CELF2: variants seen among roughly 807,000 people sequenced by gnomAD.
CELF2 encodes the protein CUGBP Elav-like family member 2.
In CELF2, 8 loss-of-function variants were observed where a neutral mutation model predicts 62.6. That is an observed-to-expected ratio of 0.13 (90% CI 0.07 to 0.23). The LOEUF (loss-of-function observed/expected upper bound fraction) is 0.23. CELF2 is among the 10% of genes least tolerant of loss of function. The probability of loss-of-function intolerance (pLI) is 1.00; values close to 1 mark genes in which losing one functional copy is unlikely to be tolerated. For synonymous variants in CELF2, 258 were observed against 250.0 expected (o/e 1.03, Z -0.30); for missense variants, 333 against 671.0 (o/e 0.50, Z 5.56).
chr10:10,660,026 G>T, the CELF2 span, among the ~76,000 whole-genome samples: 2 of 152,198 alleles, frequency 1.3e-5, no homozygotes, highest in African/African-American at 4.8e-5. Context: ...TGAATATGCT[G>T]CTGGCTTTGA....
At position 11,285,826 on chromosome 10, in the gene CELF2, G is replaced by GGTGTGT. The variant is rs71378788; in HGVS notation, c.842-2545_842-2540dup. Among the ~76,000 whole-genome samples the GGTGTGT allele has an allele frequency of 1.0e-4, 13 of 128,792 alleles. No homozygotes were observed. Among genetic ancestry groups the GGTGTGT allele is most frequent in the African/African-American group, 3.2e-4 (11 of 34,032 alleles). The allele number at this position is 128,792 out of a possible 152,430, so 84.5% of individuals were successfully genotyped here. A position where few individuals can be genotyped will look rare whatever the true frequency, so the allele number is the denominator to read the frequency against. On this transcript the variant is annotated intron_variant, in intron 8 of 12. Transcript: ENST00000633077. The surrounding 1 kb of genome is among the most constrained non-coding windows in gnomAD (Gnocchi z 4.3). The stretch of plus-strand genomic sequence containing the variant: ...TTGCTCATCACCTACTATATATATT[G>GGTGTGT]GTGTGTGTGTGTGTGTGTGTGTGTG...
At chr10:10,883,853 C>T (rs2061586009) in intron 1 of CELF2, among the ~76,000 whole-genome samples, 2 of 152,052 alleles carry the variant, frequency 1.3e-5, no homozygotes, top group African/African-American at 2.4e-5. Context: ...ATGATGAGGG[C>T]TAGGCATTCT....
the CELF2 span, among the ~76,000 whole-genome samples, chr10:10,729,525 G>T: frequency 6.6e-6 from 1 of 152,024 alleles, no homozygotes; most frequent in Non-Finnish European, 1.5e-5. Flanking sequence ...TAACATCATG[G>T]CATTATATGA....
chr10:10,666,966 C>A, the CELF2 span, among the ~76,000 whole-genome samples: 1 of 151,872 alleles, frequency 6.6e-6, no homozygotes, highest in Admixed American at 6.6e-5. Flanking sequence ...CACACACATA[C>A]ACATACGTTC....
intron 1 of CELF2, among the ~76,000 whole-genome samples, chr10:10,848,060 T>G (rs1158504225): frequency 6.6e-6 from 1 of 152,152 alleles, no homozygotes; most frequent in Admixed American, 6.5e-5. Context: ...GGTCTATAAG[T>G]CCATCAGATA....
the CELF2 span, among the ~76,000 whole-genome samples, chr10:10,517,153 G>C: frequency 2.0e-5 from 3 of 152,156 alleles, no homozygotes; most frequent in Non-Finnish European, 1.5e-5. Context: ...ATCTCATTTA[G>C]GCCCCTTACA....
chr10:10,631,341 C>T, the CELF2 span, among the ~76,000 whole-genome samples: 51 of 152,318 alleles, frequency 3.3e-4, 1 homozygote, highest in East Asian at 9.6e-3. Context: ...CTCTTCTGTG[C>T]AGGCATGGAG....
the CELF2 span, among the ~76,000 whole-genome samples, chr10:10,793,220 T>C: frequency 1.3e-5 from 2 of 152,206 alleles, no homozygotes. Context: ...TCTTTGTTCA[T>C]AGACTTTTCA....
At chr10:11,251,270 ATTTTTT>A (rs66615560) in intron 4 of CELF2, among the ~76,000 whole-genome samples, 2 of 63,310 alleles carry the variant, frequency 3.2e-5, no homozygotes, top group Non-Finnish European at 5.3e-5. Context: ...ACACAAAGGG[ATTTTTT>A]TTTTTTTTTT....
intron 1 of CELF2, among the ~76,000 whole-genome samples, chr10:11,138,009 T>C (rs2060712126): frequency 6.6e-6 from 1 of 152,152 alleles, no homozygotes; most frequent in Non-Finnish European, 1.5e-5. Context: ...TGTGCCCCAA[T>C]AAAAATGGGG....
chr10:11,048,278 G>T (rs1170543317), intron 1 of CELF2, among the ~76,000 whole-genome samples: 1 of 152,228 alleles, frequency 6.6e-6, no homozygotes, highest in African/African-American at 2.4e-5. Context: ...CAATAGAAAA[G>T]TTGACCTTTT....
intron 1 of CELF2, among the ~76,000 whole-genome samples, chr10:10,878,852 C>T (rs1249826875): frequency 6.6e-6 from 1 of 152,188 alleles, no homozygotes; most frequent in African/African-American, 2.4e-5. Flanking sequence ...CTGCCAAGCT[C>T]TGGGTGAAGA....
intron 1 of CELF2, among the ~76,000 whole-genome samples, chr10:11,137,366 C>G (rs2060602592): frequency 6.6e-6 from 1 of 152,300 alleles, no homozygotes; most frequent in Admixed American, 6.5e-5. Flanking sequence ...AAGGCATATT[C>G]TTTGGGAGTT....
chr10:11,307,109 T>C (rs73583238), intron 9 of CELF2, among the ~76,000 whole-genome samples: 1,663 of 152,362 alleles, frequency 0.011, 27 homozygotes, highest in African/African-American at 0.037. Flanking sequence ...CAGACCCACC[T>C]TGGAGACTTG....
At position 11,270,160 on chromosome 10, in the gene CELF2, A is replaced by G. The variant is rs117286318; in HGVS notation, c.619-506A>G. On this transcript the variant is annotated intron_variant, in intron 6 of 12. Transcript: ENST00000633077. This position sits in a 1 kb window ranked among gnomAD's most constrained non-coding sequence, Gnocchi z 5.8. ...TTGCTGGGCCGATAGGATTGTCACA[A>G]TCCCAAAGTTCACAGATACATAACT... Among the ~76,000 whole-genome samples, 15 of 152,336 alleles carry G rather than the reference A, an allele frequency of 9.8e-5. No homozygotes were observed. In the East Asian group the frequency reaches 2.9e-3, roughly 29 times the overall value.
intron 1 of CELF2, among the ~76,000 whole-genome samples, chr10:11,083,412 G>A (rs1217412579): frequency 6.6e-6 from 1 of 152,172 alleles, no homozygotes; most frequent in Non-Finnish European, 1.5e-5. Flanking sequence ...ACGGGAAGAG[G>A]CCACAACCGA....
Position 11,306,984 on chromosome 10 carries a change from T to G in CELF2, c.977-7155T>G, listed in dbSNP as rs1051428742. Among the ~76,000 whole-genome samples, 2 of 152,206 alleles carry G rather than the reference T, an allele frequency of 1.3e-5. No homozygotes were observed. The highest frequency in any genetic ancestry group is 4.1e-4 in the South Asian group (2 of 4,834). ...CCCCCTGAGCTAGGCTGCCCCATGCTCATAGGCTGTGCGTGTATCTGTGCC... is the reference window on the plus strand; with the variant it reads ...CCCCCTGAGCTAGGCTGCCCCATGCGCATAGGCTGTGCGTGTATCTGTGCC... On this transcript the variant is annotated intron_variant, in intron 9 of 12. Transcript: ENST00000633077. The surrounding 1 kb of genome is among the most constrained non-coding windows in gnomAD (Gnocchi z 4.4).
At chr10:11,179,535 T>C (rs1475424467) in intron 2 of CELF2, among the ~76,000 whole-genome samples, 1 of 152,202 alleles carries the variant, frequency 6.6e-6, no homozygotes, top group East Asian at 1.9e-4. Context: ...CACCACTAAC[T>C]TACCCATTTT....
the CELF2 span, among the ~76,000 whole-genome samples, chr10:10,742,543 C>A: frequency 6.8e-6 from 1 of 148,090 alleles, no homozygotes; most frequent in African/African-American, 2.5e-5. Flanking sequence ...GCAGGATGAT[C>A]CAAGATAGCA....
Sources: gnomAD v4.1 joint callset for allele counts (sites outside exome capture counted in the v4.1 genomes callset) on GRCh38, gnomAD v4.1.1 for gene constraint, Gnocchi (gnomAD v3.1) non-coding constraint, MANE v1.5 for transcripts, NCBI Gene and HGNC (gene_info 2026-07-23, HGNC 2026-07-21) for gene names.